The following ESRRB variants were observed in gnomAD, a reference collection of about 807,000 sequenced individuals.
ESRRB encodes steroid hormone receptor ERR2.
A neutral mutation model predicts 46.0 loss-of-function variants in ESRRB; 16 were observed. The observed-to-expected ratio is 0.35, with a 90% confidence interval of 0.24 to 0.53. The LOEUF (loss-of-function observed/expected upper bound fraction) is 0.53, where lower values mean the gene tolerates loss of function less well. Among genes scored for constraint, ESRRB ranks in the 20% least tolerant of loss-of-function variants. The probability of loss-of-function intolerance (pLI) is 0.93; values close to 1 mark genes in which losing one functional copy is unlikely to be tolerated. For synonymous variants in ESRRB, 246 were observed against 259.6 expected, an observed-to-expected ratio of 0.95 and a Z score of 0.50; for missense variants, 488 against 607.4, an observed-to-expected ratio of 0.80 and a Z score of 2.07.
At chr14:76,449,598 G>T (rs995803552) in intron 2 of ESRRB, among the ~76,000 whole-genome samples, 3 of 151,848 alleles carry the variant, frequency 2.0e-5, no homozygotes, top group African/African-American at 7.3e-5. Context: ...CCTTTGTAGT[G>T]ATTCACTCAG....
At position 76,390,918 on chromosome 14, in the gene ESRRB, C is replaced by T. The variant is rs1226793379; in HGVS notation, c.50+14467C>T. Among the ~76,000 whole-genome samples the T allele has an allele frequency of 3.3e-5, 5 of 152,196 alleles. No homozygotes were observed. The East Asian group carries it at 7.7e-4, about 23-fold the overall frequency. On this transcript the variant is annotated intron_variant, in intron 1 of 6. Transcript: ENST00000644823. ...AGGTGAGGTCAGGAGAGGAATGAAG[C>T]AGATGCCAAGAACAGCCAAGCTGCA...
chr14:76,498,640 C>A lies in ESRRB; in HGVS notation c.*182C>A. On this transcript the variant is annotated 3_prime_UTR_variant, in exon 7 of 7. Transcript: ENST00000644823. ...CTCCCGGGTGCAGTGGGGTGGGGGA[C>A]GGGGATGGGGGGGCAGGGGTGTGGG... 1.4e-5 allele frequency: 3 copies of A among 211,358 alleles called. No homozygotes were observed. Among genetic ancestry groups the A allele is most frequent in the Non-Finnish European group, 2.6e-5 (3 of 114,670 alleles). 13.1% of individuals were successfully genotyped at this position (211,358 alleles called of 1,614,324 possible).
At chr14:76,432,205 G>A (rs919119573) in intron 1 of ESRRB, among the ~76,000 whole-genome samples, 3 of 152,214 alleles carry the variant, frequency 2.0e-5, no homozygotes, top group Non-Finnish European at 4.4e-5. Context: ...TTGGGGGCAG[G>A]GTGCTACGGG....
chr14:76,470,637 G>A (rs1382285430), intron 3 of ESRRB, among the ~76,000 whole-genome samples: 4 of 152,198 alleles, frequency 2.6e-5, no homozygotes, highest in Non-Finnish European at 5.9e-5. Context: ...ATGGAAAAAG[G>A]GAATGACATA....
At chr14:76,312,459 G>A (rs1845240690) in intron 1 of ESRRB, among the ~76,000 whole-genome samples, 1 of 151,844 alleles carries the variant, frequency 6.6e-6, no homozygotes, top group South Asian at 2.1e-4. Context: ...AGGAAGCAAT[G>A]AGAAATTAGA....
chr14:76,469,374 A>T (rs1889262319), intron 3 of ESRRB, among the ~76,000 whole-genome samples: 1 of 151,998 alleles, frequency 6.6e-6, no homozygotes. Flanking sequence ...GGATTGCAGG[A>T]GTGAGCTACC....
In ESRRB at chr14:76,439,323, C is replaced by T. The variant is rs375317408; in HGVS notation, c.51-18C>T. On this transcript the variant is annotated intron_variant, in intron 1 of 6. Transcript: ENST00000644823. ...CACAGCACCTTGCTGGGGCTGACTT[C>T]CCGATTTGTGTCCACAGGCTGCTGA... 591 of 1,612,934 alleles carry T rather than the reference C, an allele frequency of 3.7e-4. 7 individuals are homozygous for T. Among genetic ancestry groups the T allele is most frequent in the South Asian group, 3.2e-3 (293 of 91,060 alleles).
rs768770845 is a variant in ESRRB at position 76,500,716 on chromosome 14, A to G, written c.*2258A>G. Reference sequence around the variant, plus strand: ...CTAGGGAAAGCATCTCTGGCTCACCATGTAACATCTGGCTTGGAGCAAGTG... The same window carrying G: ...CTAGGGAAAGCATCTCTGGCTCACCGTGTAACATCTGGCTTGGAGCAAGTG... On this transcript the variant is annotated 3_prime_UTR_variant, in exon 7 of 7. Coordinates refer to ENST00000644823, the MANE Select transcript of ESRRB (RefSeq NM_001379180.1). The G allele has an allele frequency of 2.5e-6, 4 of 1,613,774 alleles. No individual in the cohort carries two copies. The highest frequency in any genetic ancestry group is 2.2e-5 in the South Asian group (2 of 91,082).
chr14:76,418,157 G>C (rs1214954857), intron 1 of ESRRB, among the ~76,000 whole-genome samples: 1 of 151,954 alleles, frequency 6.6e-6, no homozygotes, highest in Admixed American at 6.6e-5. Flanking sequence ...GTTTCACCAT[G>C]TTTGTCAGGC....
chr14:76,429,128 G>C (rs1056901047), intron 1 of ESRRB, among the ~76,000 whole-genome samples: 3 of 151,950 alleles, frequency 2.0e-5, no homozygotes, highest in African/African-American at 4.8e-5. Flanking sequence ...AGAGGGTATT[G>C]GGGGGCTGCT....
upstream of ESRRB, among the ~76,000 whole-genome samples, chr14:76,370,737 T>C (rs139648223): frequency 1.3e-5 from 2 of 152,276 alleles, no homozygotes; most frequent in South Asian, 2.1e-4. Context: ...CCTATTCTCC[T>C]GGTAGTTGGT....
At chr14:76,412,703 T>A (rs1397832837) in intron 1 of ESRRB, among the ~76,000 whole-genome samples, 1 of 152,248 alleles carries the variant, frequency 6.6e-6, no homozygotes, top group Non-Finnish European at 1.5e-5. Context: ...GATTATTAGC[T>A]TTGCTGAAAG....
At chr14:76,396,217 C>G (rs1386425820) in intron 1 of ESRRB, among the ~76,000 whole-genome samples, 3 of 151,972 alleles carry the variant, frequency 2.0e-5, no homozygotes, top group Admixed American at 6.6e-5. Context: ...AAAAAAACAG[C>G]CTTCACAGGT....
intron 1 of ESRRB, among the ~76,000 whole-genome samples, chr14:76,327,484 GATA>G (rs1320796332): frequency 6.8e-6 from 1 of 147,776 alleles, no homozygotes; most frequent in Non-Finnish European, 1.5e-5. Context: ...TTGTGATGAT[GATA>G]ATGATGATGA....
intron 1 of ESRRB, among the ~76,000 whole-genome samples, chr14:76,391,756 C>A (rs937957013): frequency 2.0e-5 from 3 of 152,156 alleles, no homozygotes; most frequent in African/African-American, 7.2e-5. Context: ...TTGGGGTGCA[C>A]CACTAGTGGG....
chr14:76,388,692 G>A (rs1595070647), intron 1 of ESRRB, among the ~76,000 whole-genome samples: 1 of 152,350 alleles, frequency 6.6e-6, no homozygotes, highest in Non-Finnish European at 1.5e-5. Flanking sequence ...GGAGAAAGCT[G>A]TAGGAAGGAA....
chr14:76,416,537 G>A lies in ESRRB; in HGVS notation c.51-22804G>A, dbSNP rs147719788. 3.5e-3 allele frequency among the ~76,000 whole-genome samples: 538 copies of A among 151,888 alleles called. 6 individuals are homozygous for A. Among genetic ancestry groups the A allele is most frequent in the African/African-American group, 0.012 (501 of 41,404 alleles). ...CGGGCTAGAGTGCAATGGCGTGATC[G>A]TGGTTCACTGCAACCTCCACCTTCT... is the stretch of plus-strand genomic sequence containing the variant. On this transcript the variant is annotated intron_variant, in intron 1 of 6. Coordinates refer to ENST00000644823, the MANE Select transcript of ESRRB (RefSeq NM_001379180.1).
At chr14:76,334,227 G>A (rs1884098752) in intron 1 of ESRRB, among the ~76,000 whole-genome samples, 1 of 152,172 alleles carries the variant, frequency 6.6e-6, no homozygotes, top group South Asian at 2.1e-4. Flanking sequence ...GGGGGACGGA[G>A]GAGGCCAGTG....
chr14:76,401,171 G>A (rs964023394), intron 1 of ESRRB, among the ~76,000 whole-genome samples: 3 of 152,342 alleles, frequency 2.0e-5, no homozygotes, highest in Non-Finnish European at 2.9e-5. Context: ...AGGAAGCCTC[G>A]AAACAGACTG....
Sources: gnomAD v4.1 joint callset for allele counts (sites outside exome capture counted in the v4.1 genomes callset) on GRCh38, gnomAD v4.1.1 for gene constraint, MANE v1.5 for transcripts, NCBI Gene and HGNC (gene_info 2026-07-23, HGNC 2026-07-21) for gene names.